The following RELN variants were observed in gnomAD, a reference collection of about 807,000 sequenced individuals.
RELN encodes reelin.
A neutral mutation model predicts 427.6 loss-of-function variants in RELN; 108 were observed. The observed-to-expected ratio is 0.25, with a 90% CI of 0.22 to 0.30. The LOEUF (loss-of-function observed/expected upper bound fraction) is 0.30. Ranked by LOEUF, RELN falls within the 10% of genes least tolerant of loss-of-function variation. RELN has a pLI of 1.00. For synonymous variants in RELN, 1,524 were observed against 1,513.4 expected, an observed-to-expected ratio of 1.01 and a Z score of -0.16; for missense variants, 3,715 against 4,302.8, an observed-to-expected ratio of 0.86 and a Z score of 3.82.
At chr7:103,847,068 G>A (rs1364271626) in intron 2 of RELN, among the ~76,000 whole-genome samples, 1 of 152,068 alleles carries the variant, frequency 6.6e-6, no homozygotes, top group African/African-American at 2.4e-5. Flanking sequence ...CCCATCACTG[G>A]GTATATACCC....
intron 46 of RELN, among the ~76,000 whole-genome samples, chr7:103,529,912 T>A (rs1032866162): frequency 6.6e-6 from 1 of 152,180 alleles, no homozygotes; most frequent in African/African-American, 2.4e-5. Flanking sequence ...TGCTTGTTAA[T>A]CTCCTCTCAT....
intron 39 of RELN, 48 bp from the exon 40 acceptor site, chr7:103,553,611 C>T: frequency 6.2e-7 from 1 of 1,612,796 alleles, no homozygotes; most frequent in Non-Finnish European, 8.5e-7. Context: ...AAAAGTTCAT[C>T]ATGATTTGTA....
chr7:103,870,725 T>A (rs1794311091), intron 2 of RELN, among the ~76,000 whole-genome samples: 1 of 152,050 alleles, frequency 6.6e-6, no homozygotes, highest in East Asian at 1.9e-4. Context: ...CCTTCTAGTA[T>A]CTCTATTTTG....
chr7:103,678,961 C>T (rs895175553), intron 11 of RELN, among the ~76,000 whole-genome samples: 14 of 152,090 alleles, frequency 9.2e-5, no homozygotes, highest in Non-Finnish European at 4.4e-5. Context: ...GAAAACAGAA[C>T]GCATCAAGAA....
At chr7:103,885,820 T>C (rs1794715281) in intron 2 of RELN, among the ~76,000 whole-genome samples, 2 of 152,186 alleles carry the variant, frequency 1.3e-5, no homozygotes, top group South Asian at 4.1e-4. Context: ...CCTTACAAGT[T>C]TTAAATGTCT....
chr7:103,959,190 G>C (rs1433842087), intron 1 of RELN, among the ~76,000 whole-genome samples: 1 of 152,110 alleles, frequency 6.6e-6, no homozygotes, highest in Non-Finnish European at 1.5e-5. Context: ...GGATCTTCCT[G>C]CCTCAGCCTC....
intron 54 of RELN, 41 bp downstream of exon 54, chr7:103,498,036 G>T: frequency 6.2e-7 from 1 of 1,605,910 alleles, no homozygotes; most frequent in Non-Finnish European, 8.5e-7. Context: ...GGACCAATTT[G>T]CTATGGTGCA....
chr7:103,926,603 G>A (rs907876504), intron 1 of RELN, among the ~76,000 whole-genome samples: 6 of 144,004 alleles, frequency 4.2e-5, no homozygotes, highest in African/African-American at 1.3e-4. Context: ...TAGTTAAACC[G>A]AACGCAGCTC....
At chr7:103,613,492 T>C (rs1465600545) in intron 20 of RELN, among the ~76,000 whole-genome samples, 1 of 151,886 alleles carries the variant, frequency 6.6e-6, no homozygotes, top group Non-Finnish European at 1.5e-5. Context: ...ATAAAAGAAA[T>C]CAACACAGAA....
chr7:103,559,844 T>C lies in RELN; in HGVS notation c.5529+1688A>G, dbSNP rs116002640. On this transcript the variant is annotated intron_variant, in intron 36 of 64. Transcript: ENST00000428762. ...AAAAAGCTTTGAGATAGACAGTTGA[T>C]AGATTCAGGTAATAAATATCCCTTG... Among the ~76,000 whole-genome samples the C allele has an allele frequency of 4.7e-3, 719 of 152,336 alleles. 7 individuals are homozygous for C. Among genetic ancestry groups the C allele is most frequent in the African/African-American group, 0.016 (668 of 41,582 alleles).
At chr7:103,607,742 G>A (rs984299400) in intron 22 of RELN, among the ~76,000 whole-genome samples, 1 of 152,142 alleles carries the variant, frequency 6.6e-6, no homozygotes, top group Admixed American at 6.6e-5. Flanking sequence ...AATGAAGGCT[G>A]ACTAAATTGT....
intron 1 of RELN, among the ~76,000 whole-genome samples, chr7:103,926,650 TTTTTTTTTTTTTG>T (rs1795747212): frequency 1.4e-5 from 1 of 71,976 alleles, no homozygotes; most frequent in African/African-American, 6.4e-5. Flanking sequence ...TTTTTTTTTT[TTTTTTTTTTTTTG>T]AGACGGAGTC....
At chr7:103,930,868 ATGTG>A (rs60265174) in intron 1 of RELN, among the ~76,000 whole-genome samples, 2,969 of 141,816 alleles carry the variant, frequency 0.021, 35 homozygotes, top group African/African-American at 0.033. Context: ...GTGTGAGCAT[ATGTG>A]TGTGTGTGTG....
chr7:103,709,262 G>A (rs1308880125), intron 8 of RELN, among the ~76,000 whole-genome samples: 1 of 152,108 alleles, frequency 6.6e-6, no homozygotes, highest in Non-Finnish European at 1.5e-5. Flanking sequence ...ATCTCAGGGT[G>A]GCACCAAGTA....
intron 6 of RELN, among the ~76,000 whole-genome samples, chr7:103,744,523 C>A (rs1016175892): frequency 6.6e-6 from 1 of 151,864 alleles, no homozygotes; most frequent in Non-Finnish European, 1.5e-5. Flanking sequence ...ACTAGCAAGA[C>A]TAATAAAGAA....
At chr7:103,631,286 C>CTTTTTTTGTTTT (rs1832459965) in intron 19 of RELN, among the ~76,000 whole-genome samples, 1 of 77,812 alleles carries the variant, frequency 1.3e-5, no homozygotes, top group Non-Finnish European at 2.3e-5. Context: ...AAAAACACTT[C>CTTTTTTTGTTTT]TTTTTTTTTT....
intron 10 of RELN, among the ~76,000 whole-genome samples, chr7:103,689,307 C>T (rs1450254723): frequency 9.9e-5 from 1 of 10,088 alleles, no homozygotes; most frequent in Non-Finnish European, 1.7e-4. Flanking sequence ...GGGAAGATTT[C>T]TTAAAAATAA....
chr7:103,490,649 A>G lies in RELN; in HGVS notation c.9605+19T>C, dbSNP rs202052256. 190 of 1,613,790 alleles carry G rather than the reference A, an allele frequency of 1.2e-4. 1 individual carries two copies. The African/African-American group carries it at 2.3e-3, about 20-fold the overall frequency. The stretch of plus-strand genomic sequence containing the variant: ...GAGGCCAGATAATTTCACAAAGTTT[A>G]CCTTAATTTGCAACCTACCTAGAGG... On this transcript the variant is annotated intron_variant, in intron 59 of 64. Coordinates refer to ENST00000428762, the MANE Select transcript of RELN (RefSeq NM_005045.4).
At chr7:103,674,021 T>C (rs960507016) in intron 11 of RELN, among the ~76,000 whole-genome samples, 3 of 152,158 alleles carry the variant, frequency 2.0e-5, no homozygotes, top group African/African-American at 7.2e-5. Flanking sequence ...GCATTCCATG[T>C]ATTCCTTCTG....
Sources: allele counts gnomAD v4.1 joint callset (sites outside exome capture counted in the v4.1 genomes callset), GRCh38; gene constraint gnomAD v4.1.1; transcripts MANE v1.5; gene names NCBI Gene and HGNC (gene_info 2026-07-23, HGNC 2026-07-21).